FAM107B: variants seen among roughly 807,000 people sequenced by gnomAD.
FAM107B encodes family with sequence similarity 107 member B, also known as protein FAM107B.
A neutral mutation model predicts 31.5 loss-of-function variants in FAM107B; 21 were observed. The ratio of observed to expected loss-of-function variants is 0.67; its 90% CI spans 0.47 to 0.96. FAM107B has a LOEUF of 0.96. FAM107B is among the 40% of genes least tolerant of loss of function. FAM107B has a pLI of 0.00. For missense variants in FAM107B, 452 were observed against 377.1 expected, an observed-to-expected ratio of 1.20 and a Z score of -1.64; for synonymous variants, 157 against 141.5, an observed-to-expected ratio of 1.11 and a Z score of -0.78.
chr10:14,643,208 G>A (rs4445543), intron 2 of FAM107B, among the ~76,000 whole-genome samples: 6,792 of 152,012 alleles, frequency 0.045, 299 homozygotes, highest in East Asian at 0.24. Context: ...TAGTGAGCTG[G>A]AGACTCAGTG....
chr10:14,704,104 C>A lies in FAM107B; in HGVS notation c.412-36413G>T, dbSNP rs1304779767. On this transcript the variant is annotated intron_variant, in intron 1 of 4. Transcript: ENST00000181796. ...CCCATTCTACAGATGGTAGGAGCCA[C>A]CTTCTATGCTCTGACAGTACATCCA... Among the ~76,000 whole-genome samples the A allele has an allele frequency of 3.9e-5, 6 of 152,276 alleles. No individual in the cohort carries two copies. The East Asian group carries it at 9.6e-4, about 24-fold the overall frequency.
At chr10:14,695,831 C>T (rs1045347657) in intron 1 of FAM107B, among the ~76,000 whole-genome samples, 1 of 152,044 alleles carries the variant, frequency 6.6e-6, no homozygotes, top group African/African-American at 2.4e-5. Context: ...ATTTTGTATC[C>T]TTCAACTTTA....
At chr10:14,766,859 TGGTGAATTCTACCATAC>T (rs1833172655) in intron 1 of FAM107B, among the ~76,000 whole-genome samples, 1 of 150,530 alleles carries the variant, frequency 6.6e-6, no homozygotes, top group Non-Finnish European at 1.5e-5. Context: ...GTGGTTTCAC[TGGTGAATTCTACCATAC>T]ATTTAAAGAA....
At chr10:14,757,990 T>C (rs1440256713) in intron 1 of FAM107B, among the ~76,000 whole-genome samples, 2 of 152,192 alleles carry the variant, frequency 1.3e-5, no homozygotes, top group African/African-American at 4.8e-5. Flanking sequence ...AGTATATAAT[T>C]ATGCTTTGGA....
At chr10:14,629,462 T>TA (rs1451939911) in intron 2 of FAM107B, among the ~76,000 whole-genome samples, 3 of 69,670 alleles carry the variant, frequency 4.3e-5, no homozygotes, top group African/African-American at 6.0e-5. Context: ...ATATATTATA[T>TA]ATATATTTAA....
chr10:14,703,843 A>G (rs1855459589), intron 1 of FAM107B, among the ~76,000 whole-genome samples: 2 of 152,238 alleles, frequency 1.3e-5, no homozygotes, highest in South Asian at 4.1e-4. Flanking sequence ...ATTTATGAGC[A>G]GCTGATCATA....
intron 1 of FAM107B, among the ~76,000 whole-genome samples, chr10:14,678,481 C>T (rs1588700474): frequency 6.6e-6 from 1 of 152,130 alleles, no homozygotes; most frequent in African/African-American, 2.4e-5. Context: ...TGCTAGGAAA[C>T]GTGGGGGACA....
intron 2 of FAM107B, chr10:14,542,631 T>A (rs1394181572): frequency 6.6e-6 from 1 of 152,132 alleles, no homozygotes; most frequent in African/African-American, 2.4e-5. Context: ...AAAAACTGAG[T>A]AGGGGAGGTC....
chr10:14,537,656 G>A (rs927656914), intron 2 of FAM107B, among the ~76,000 whole-genome samples: 3 of 151,886 alleles, frequency 2.0e-5, no homozygotes, highest in Admixed American at 6.6e-5. Context: ...TGGCCAACAC[G>A]GTGAAACCCT....
intron 1 of FAM107B, among the ~76,000 whole-genome samples, chr10:14,739,226 C>A (rs1224124941): frequency 6.6e-6 from 1 of 152,220 alleles, no homozygotes; most frequent in Non-Finnish European, 1.5e-5. Flanking sequence ...GGAGGAGAAG[C>A]AGCCTCCATC....
chr10:14,675,938 G>A (rs1004690076), intron 1 of FAM107B, among the ~76,000 whole-genome samples: 4 of 152,112 alleles, frequency 2.6e-5, no homozygotes, highest in African/African-American at 9.7e-5. Context: ...TAAGAGGATC[G>A]CTTGAGCCCA....
At chr10:14,739,441 A>C (rs1175764506) in intron 1 of FAM107B, among the ~76,000 whole-genome samples, 1 of 152,158 alleles carries the variant, frequency 6.6e-6, no homozygotes, top group African/African-American at 2.4e-5. Context: ...AGGTATTTTT[A>C]CCTGCCAGGC....
intron 1 of FAM107B, among the ~76,000 whole-genome samples, chr10:14,731,940 T>C (rs992862826): frequency 6.6e-6 from 1 of 152,220 alleles, no homozygotes; most frequent in African/African-American, 2.4e-5. Flanking sequence ...ATCCCCGTTG[T>C]TAAGCAGTGC....
At chr10:14,553,664 G>A (rs1022704305) in intron 2 of FAM107B, among the ~76,000 whole-genome samples, 3 of 152,192 alleles carry the variant, frequency 2.0e-5, no homozygotes, top group African/African-American at 7.2e-5. Context: ...AACAGTAATA[G>A]TATGACTCGC....
intron 1 of FAM107B, among the ~76,000 whole-genome samples, chr10:14,714,210 C>A (rs1171705100): frequency 6.6e-6 from 1 of 152,172 alleles, no homozygotes; most frequent in African/African-American, 2.4e-5. Context: ...ACAACAAAAT[C>A]TAGGAGAAGG....
At chr10:14,552,574 C>T (rs1378994411) in intron 2 of FAM107B, among the ~76,000 whole-genome samples, 1 of 152,060 alleles carries the variant, frequency 6.6e-6, no homozygotes, top group Non-Finnish European at 1.5e-5. Context: ...TGGTAGCTCA[C>T]GCCTGTAATC....
intron 2 of FAM107B, among the ~76,000 whole-genome samples, chr10:14,563,538 C>T (rs915823333): frequency 6.6e-6 from 1 of 151,778 alleles, no homozygotes; most frequent in Admixed American, 6.6e-5. Flanking sequence ...AACTATTCCT[C>T]TATCGTCCTA....
chr10:14,646,789 CTTTTTTTTTT>C (rs369557470), intron 2 of FAM107B, among the ~76,000 whole-genome samples: 1 of 86,770 alleles, frequency 1.2e-5, no homozygotes, highest in Non-Finnish European at 2.0e-5. Context: ...CCATTTTCTC[CTTTTTTTTTT>C]TTTTTTTTTT....
intron 2 of FAM107B, among the ~76,000 whole-genome samples, chr10:14,546,094 T>A (rs543197760): frequency 9.2e-5 from 14 of 152,364 alleles, no homozygotes; most frequent in African/African-American, 3.4e-4. Context: ...AAGAAGAGAC[T>A]ATCTTCAAAC....
Sources: allele counts gnomAD v4.1 joint callset (sites outside exome capture counted in the v4.1 genomes callset), GRCh38; gene constraint gnomAD v4.1.1; transcripts MANE v1.5; gene names NCBI Gene and HGNC (gene_info 2026-07-23, HGNC 2026-07-21).